The following RFNG variants were observed in gnomAD, a reference collection of about 807,000 sequenced individuals.
The protein encoded by RFNG is RFNG O-fucosylpeptide 3-beta-N-acetylglucosaminyltransferase.
Under a neutral mutation model 29.6 loss-of-function variants are expected in RFNG, and 37 were observed. The observed-to-expected ratio is 1.25, with a 90% CI of 0.96 to 1.65. RFNG has a LOEUF of 1.65. RFNG is among the 40% of genes most tolerant of loss of function. RFNG has a pLI of 0.00. For missense variants in RFNG, 546 were observed against 457.0 expected (o/e 1.19, Z -1.78); for synonymous variants, 276 against 197.3 (o/e 1.40, Z -3.34).
Position 82,050,426 on chromosome 17 carries a change from G to A in RFNG, c.549C>T (p.Thr183=), listed in dbSNP as rs151015279. 3.7e-5 allele frequency: 59 copies of A among 1,600,784 alleles called. No homozygotes were observed. The highest frequency in any genetic ancestry group is 5.4e-5 in the African/African-American group (4 of 74,184). The part of the protein sequence containing the change: ...RPSLDHPIEA[T]ERVQGGRTVT... ...CAGTTCTGCCACCCTGGACCCTCTCGGTGGCCTCAATGGGGTGGTCCAGGC... is the reference window on the plus strand; with the variant it reads ...CAGTTCTGCCACCCTGGACCCTCTCAGTGGCCTCAATGGGGTGGTCCAGGC... The change falls in exon 4 of 8, where the codon ACC becomes ACT. Residue 183 remains threonine, a synonymous_variant. Transcript: ENST00000310496.
Position 82,051,316 on chromosome 17 carries a change from G to C in RFNG, c.294C>G (p.Asp98Glu). The C allele has an allele frequency of 2.1e-6, 3 of 1,442,832 alleles. No individual in the cohort carries two copies. Among genetic ancestry groups the C allele is most frequent in the Non-Finnish European group, 2.7e-6 (3 of 1,103,442 alleles). 89.4% of individuals were successfully genotyped at this position (1,442,832 alleles called of 1,614,324 possible). The change falls in exon 2 of 8, where the codon GAC becomes GAG. Residue 98 changes from aspartate to glutamate, a missense_variant. Coordinates refer to ENST00000310496, the MANE Select transcript of RFNG (RefSeq NM_002917.2). This position sits in a 1 kb window ranked among gnomAD's most constrained non-coding sequence, Gnocchi z 4.1. ...CACCGCCCTGGAGCTCGAGCTCAGG[G>C]TCGTCCCCGTCGGTGAAGATAAACG... The part of the protein sequence containing the change: ...QQTFIFTDGD[D>E]PELELQGGDR...
Position 82,048,408 on chromosome 17 carries a change from A to G in RFNG, c.*318T>C, listed in dbSNP as rs2030058966. 2 of 387,924 alleles carry G rather than the reference A, an allele frequency of 5.2e-6. No homozygotes were observed. Among genetic ancestry groups the G allele is most frequent in the Non-Finnish European group, 4.8e-6 (1 of 206,596 alleles). The allele number at this position is 387,924 out of a possible 1,614,324, so 24.0% of individuals were successfully genotyped here. On this transcript the variant is annotated 3_prime_UTR_variant, in exon 8 of 8. Coordinates refer to ENST00000310496, the MANE Select transcript of RFNG (RefSeq NM_002917.2). The stretch of plus-strand genomic sequence containing the variant: ...TTCAGCAACAGGTAATGGAGCCCGG[A>G]TGGCAGCTCCCTCCCAGGTGCGCAA...
Position 82,051,443 on chromosome 17 carries a change from C to A in RFNG, c.267+57G>T. The A allele has an allele frequency of 7.4e-7, 1 of 1,348,388 alleles. No individual in the cohort carries two copies. Among genetic ancestry groups the A allele is most frequent in the South Asian group, 2.0e-5 (1 of 50,938 alleles). The allele number at this position is 1,348,388 out of a possible 1,614,324, so 83.5% of individuals were successfully genotyped here. On this transcript the variant is annotated intron_variant, in intron 1 of 7. Coordinates refer to ENST00000310496, the MANE Select transcript of RFNG (RefSeq NM_002917.2). The surrounding 1 kb of genome is among the most constrained non-coding windows in gnomAD (Gnocchi z 4.1). ...CGGGGGCCTGGGCCGGGCCTAGACC[C>A]TGGGAGGCGGGGCGGGTGGGCGTGG...
chr17:82,050,983 G>A, intron 2 of RFNG: 5 of 1,425,834 alleles, frequency 3.5e-6, no homozygotes, highest in Non-Finnish European at 4.6e-6. Flanking sequence ...CTCTTGAGTG[G>A]AAACAGGACG....
rs745354105 is a variant in RFNG, at chr17:82,050,007, C to A, written c.574-1G>T. 6.2e-7 allele frequency: 1 copy of A among 1,608,240 alleles called. No individual in the cohort carries two copies. The highest frequency in any genetic ancestry group is 2.2e-5 in the East Asian group (1 of 44,604). ...CAAACCAGAACTTGACCGTGGTCAC[C>A]TGAAGATGGGGTGGTGGTCAGAGCT... On this transcript the variant is annotated splice_acceptor_variant, in intron 4 of 7. Coordinates refer to ENST00000310496, the MANE Select transcript of RFNG (RefSeq NM_002917.2). LOFTEE classifies it high-confidence loss of function.
At position 82,051,803 on chromosome 17, in the gene RFNG, C is replaced by G. The variant is rs2030679352; in HGVS notation, c.-37G>C. 5 of 1,130,380 alleles carry G rather than the reference C, an allele frequency of 4.4e-6. No individual in the cohort carries two copies. The South Asian group carries it at 1.7e-4, about 38-fold the overall frequency. The allele number at this position is 1,130,380 out of a possible 1,614,324, so 70.0% of individuals were successfully genotyped here. A position where few individuals can be genotyped will look rare whatever the true frequency, so the allele number is the denominator to read the frequency against. ...GACCCCCGGCGCTGCGAGCGGAGAA[C>G]CTGGCCGGAGCCGTGGGTGGGCGGC... On this transcript the variant is annotated 5_prime_UTR_variant, in exon 1 of 8. Coordinates refer to ENST00000310496, the MANE Select transcript of RFNG (RefSeq NM_002917.2). This position sits in a 1 kb window ranked among gnomAD's most constrained non-coding sequence, Gnocchi z 4.1.
rs748156818 is a variant in RFNG at position 82,048,720 on chromosome 17, T to C, written c.*6A>G. 6.2e-7 allele frequency: 1 copy of C among 1,611,280 alleles called. No homozygotes were observed. The highest frequency in any genetic ancestry group is 8.5e-7 in the Non-Finnish European group (1 of 1,178,986). ...GCCAGGCAGCCCTGGGTCGGGGTGG[T>C]TGGTGTCACCGAGAGGTCGGGGCGC... On this transcript the variant is annotated 3_prime_UTR_variant, in exon 8 of 8. Transcript: ENST00000310496.
Position 82,051,789 on chromosome 17 carries a change from C to G in RFNG, c.-23G>C. The G allele has an allele frequency of 8.9e-7, 1 of 1,121,056 alleles. No individual in the cohort carries two copies. Among genetic ancestry groups the G allele is most frequent in the Middle Eastern group, 3.8e-4 (1 of 2,624 alleles). The allele number at this position is 1,121,056 out of a possible 1,614,324, so 69.4% of individuals were successfully genotyped here. A position where few individuals can be genotyped will look rare whatever the true frequency, so the allele number is the denominator to read the frequency against. ...CATGCGGCCGCCGGGACCCCCGGCGCTGCGAGCGGAGAACCTGGCCGGAGC... is the reference window on the plus strand; with the variant it reads ...CATGCGGCCGCCGGGACCCCCGGCGGTGCGAGCGGAGAACCTGGCCGGAGC... On this transcript the variant is annotated 5_prime_UTR_variant, in exon 1 of 8. Transcript: ENST00000310496. The surrounding 1 kb of genome is among the most constrained non-coding windows in gnomAD (Gnocchi z 4.1).
In RFNG at chr17:82,049,288, A is replaced by G. The variant is rs547011226; in HGVS notation, c.829-172T>C. The G allele has an allele frequency of 3.8e-4, 269 of 710,312 alleles. 5 individuals are homozygous for G. Among genetic ancestry groups the G allele is most frequent in the South Asian group, 3.3e-3 (218 of 66,938 alleles). The allele number at this position is 710,312 out of a possible 1,614,324, so 44.0% of individuals were successfully genotyped here. A position where few individuals can be genotyped will look rare whatever the true frequency, so the allele number is the denominator to read the frequency against. Reference sequence around the variant, plus strand: ...CATGGCATGAGCTGAGTAGGGGGACACCTCAGGCAGAGCCTGGGGGACAGA... The same window carrying G: ...CATGGCATGAGCTGAGTAGGGGGACGCCTCAGGCAGAGCCTGGGGGACAGA... On this transcript the variant is annotated intron_variant, in intron 6 of 7. Transcript: ENST00000310496.
rs1192489412 is a variant in RFNG, at chr17:82,050,714, G to A, written c.367C>T (p.Leu123Phe). 6.2e-7 allele frequency: 1 copy of A among 1,613,256 alleles called. No homozygotes were observed. The highest frequency in any genetic ancestry group is 1.7e-5 in the Admixed American group (1 of 60,032). ...NCSAVRTRQA[L>F]CCKMSVEYDK... The stretch of plus-strand genomic sequence containing the variant: ...TACTCCACGGACATCTTGCAGCAGA[G>A]GGCCTGACGAGTGCGCACCGCCGAG... Residue 123 changes from leucine (L) to phenylalanine (F), a missense_variant, in exon 3 of 8, where the codon CTC becomes TTC. Coordinates refer to ENST00000310496, the MANE Select transcript of RFNG (RefSeq NM_002917.2).
chr17:82,048,799 GACTTAA>G lies in RFNG; in HGVS notation c.917_922del (p.Phe306_Lys307del). Reference sequence around the variant, plus strand: ...GTCTGGGTACAGAAGACAATGGATAGACTTAAACCTGGGGAAGGAAGAAGTAGGGGT... The same window carrying G: ...GTCTGGGTACAGAAGACAATGGATAGACCTGGGGAAGGAAGAAGTAGGGGT... On this transcript the variant is annotated inframe_deletion and splice_region_variant, in exon 8 of 8. Transcript: ENST00000310496. 1 of 1,612,974 alleles carries G rather than the reference GACTTAA, an allele frequency of 6.2e-7. No individual in the cohort carries two copies. The highest frequency in any genetic ancestry group is 1.7e-5 in the Admixed American group (1 of 60,016).
rs761132806 is a variant in RFNG at position 82,051,285 on chromosome 17, G to A, written c.316+9C>T. On this transcript the variant is annotated intron_variant, in intron 2 of 7. Transcript: ENST00000310496. The surrounding 1 kb of genome is among the most constrained non-coding windows in gnomAD (Gnocchi z 4.1). ...ATCCCGCGGGCGCCGGGGAGTGGGGGACACTCACCGCCCTGGAGCTCGAGC... is the reference window on the plus strand; with the variant it reads ...ATCCCGCGGGCGCCGGGGAGTGGGGAACACTCACCGCCCTGGAGCTCGAGC... The A allele has an allele frequency of 5.1e-6, 7 of 1,384,020 alleles. No individual in the cohort carries two copies. The highest frequency in any genetic ancestry group is 2.0e-5 in the South Asian group (1 of 49,694). 85.7% of individuals were successfully genotyped at this position (1,384,020 alleles called of 1,614,324 possible).
At position 82,051,739 on chromosome 17, in the gene RFNG, G is replaced by T; in HGVS notation, c.28C>A (p.Arg10=). ...GCCGCGGCCAGCGCGAGGCAGGCCC[G>T]GCACAGCGCCCCACGCGCGCGGCTC... is the stretch of plus-strand genomic sequence containing the variant. The part of the protein sequence containing the change: MSRARGALC[R]ACLALAAALA... Residue 10 remains arginine, a synonymous_variant, in exon 1 of 8, where the codon CGG becomes AGG. Transcript: ENST00000310496. The surrounding 1 kb of genome is among the most constrained non-coding windows in gnomAD (Gnocchi z 4.1). 9.3e-7 allele frequency: 1 copy of T among 1,072,096 alleles called. No individual in the cohort carries two copies. Among genetic ancestry groups the T allele is most frequent in the Non-Finnish European group, 1.1e-6 (1 of 887,638 alleles). The allele number at this position is 1,072,096 out of a possible 1,614,324, so 66.4% of individuals were successfully genotyped here.
rs1339084454 is a variant in RFNG at position 82,051,397 on chromosome 17, AC to A, written c.268-56del. Reference sequence around the variant, plus strand: ...GGGGCGCTGCCCAGGCCGGAGACCGACCCGCCCCGCGCGGAGCCTCCGGGGG... The same window carrying A: ...GGGGCGCTGCCCAGGCCGGAGACCGACCGCCCCGCGCGGAGCCTCCGGGGG... On this transcript the variant is annotated intron_variant, in intron 1 of 7. Transcript: ENST00000310496. This position sits in a 1 kb window ranked among gnomAD's most constrained non-coding sequence, Gnocchi z 4.1. 1 of 1,409,028 alleles carries A rather than the reference AC, an allele frequency of 7.1e-7. No homozygotes were observed. Among genetic ancestry groups the A allele is most frequent in the Non-Finnish European group, 9.2e-7 (1 of 1,084,836 alleles). 87.3% of individuals were successfully genotyped at this position (1,409,028 alleles called of 1,614,324 possible). A position where few individuals can be genotyped will look rare whatever the true frequency, so the allele number is the denominator to read the frequency against.
At position 82,051,502 on chromosome 17, in the gene RFNG, G is replaced by C; in HGVS notation, c.265C>G (p.Gln89Glu). The change falls in exon 1 of 8, where the codon CAG becomes GAG. Residue 89 changes from glutamine (Q) to glutamate (E), a missense_variant and splice_region_variant. Coordinates refer to ENST00000310496, the MANE Select transcript of RFNG (RefSeq NM_002917.2). This position sits in a 1 kb window ranked among gnomAD's most constrained non-coding sequence, Gnocchi z 4.1. ...LRTWISRARQ[Q>E]TFIFTDGDDP... ...GTCGGGGTCGGGGTCCGGCGCACCT[G>C]CTGGCGGGCCCGGGAGATCCAGGTG... is the stretch of plus-strand genomic sequence containing the variant. 1 of 1,381,602 alleles carries C rather than the reference G, an allele frequency of 7.2e-7. No homozygotes were observed. Among genetic ancestry groups the C allele is most frequent in the Non-Finnish European group, 9.4e-7 (1 of 1,064,400 alleles). 85.6% of individuals were successfully genotyped at this position (1,381,602 alleles called of 1,614,324 possible).
At position 82,051,257 on chromosome 17, in the gene RFNG, C is replaced by G; in HGVS notation, c.316+37G>C. On this transcript the variant is annotated intron_variant, in intron 2 of 7. Coordinates refer to ENST00000310496, the MANE Select transcript of RFNG (RefSeq NM_002917.2). The surrounding 1 kb of genome is among the most constrained non-coding windows in gnomAD (Gnocchi z 4.1). ...TTCGGAGCGAGAAAGGCTCGGGGGG[C>G]AGATCCCGCGGGCGCCGGGGAGTGG... The G allele has an allele frequency of 7.4e-7, 1 of 1,343,484 alleles. No individual in the cohort carries two copies. The allele number at this position is 1,343,484 out of a possible 1,614,324, so 83.2% of individuals were successfully genotyped here. A position where few individuals can be genotyped will look rare whatever the true frequency, so the allele number is the denominator to read the frequency against.
chr17:82,051,515 G>T lies in RFNG; in HGVS notation c.252C>A (p.Ser84=). ...TCCGGCGCACCTGCTGGCGGGCCCG[G>T]GAGATCCAGGTGCGCAGCAGCAGCC... ...RLRLLLRTWI[S]RARQQTFIFT... is the part of the protein sequence containing the mutation. The change falls in exon 1 of 8, where the codon TCC becomes TCA. Residue 84 remains serine, a synonymous_variant. Coordinates refer to ENST00000310496, the MANE Select transcript of RFNG (RefSeq NM_002917.2). This position sits in a 1 kb window ranked among gnomAD's most constrained non-coding sequence, Gnocchi z 4.1. 2 of 1,394,340 alleles carry T rather than the reference G, an allele frequency of 1.4e-6. No homozygotes were observed. Among genetic ancestry groups the T allele is most frequent in the Non-Finnish European group, 9.3e-7 (1 of 1,070,260 alleles). The allele number at this position is 1,394,340 out of a possible 1,614,324, so 86.4% of individuals were successfully genotyped here.
chr17:82,050,055 C>CATGAAGAGT, intron 4 of RFNG, 49 bp from the exon 5 acceptor site: 2 of 1,474,206 alleles, frequency 1.4e-6, no homozygotes, highest in Non-Finnish European at 1.9e-6. Context: ...GCTTCTCACC[C>CATGAAGAGT]CTGACTCTTC....
chr17:82,048,729 C>T lies in RFNG; in HGVS notation c.993G>A (p.Arg331=). ...CCCTGGGTCGGGGTGGTTGGTGTCA[C>T]CGAGAGGTCGGGGCGCCCTGTTTCT... ...PRQKQGAPTS[R] is the part of the protein sequence containing the mutation. Residue 331 remains arginine (R), a synonymous_variant, in exon 8 of 8, where the codon CGG becomes CGA. Transcript: ENST00000310496. The T allele has an allele frequency of 6.2e-7, 1 of 1,612,470 alleles. No individual in the cohort carries two copies. Among genetic ancestry groups the T allele is most frequent in the Non-Finnish European group, 8.5e-7 (1 of 1,179,652 alleles).
Sources: allele counts gnomAD v4.1 joint callset, GRCh38; gene constraint gnomAD v4.1.1; non-coding constraint Gnocchi (gnomAD v3.1); transcripts MANE v1.5; gene names NCBI Gene and HGNC (gene_info 2026-07-23, HGNC 2026-07-21).